WDR91: variants seen among roughly 807,000 people sequenced by gnomAD.
The protein encoded by WDR91 is WD repeat domain 91.
In WDR91, 52 loss-of-function variants were observed where a neutral mutation model predicts 88.4. The ratio of observed to expected loss-of-function variants is 0.59; its 90% CI spans 0.47 to 0.74. The LOEUF (loss-of-function observed/expected upper bound fraction) is 0.74. Ranked by LOEUF, WDR91 falls within the 30% of genes least tolerant of loss-of-function variation. WDR91 has a pLI of 0.00. For synonymous variants in WDR91, 362 were observed against 389.5 expected (o/e 0.93, Z 0.83); for missense variants, 824 against 954.5 (o/e 0.86, Z 1.80).
intron 1 of WDR91, 109 bp from the exon 2 acceptor site, chr7:135,209,864 T>G (rs1388634835): frequency 2.0e-6 from 2 of 1,007,944 alleles, no homozygotes; most frequent in East Asian, 5.7e-5. Flanking sequence ...AAAAAAAAAT[T>G]TGTAAGTTAG....
At chr7:135,197,915 G>T in intron 7 of WDR91, 78 bp downstream of exon 7, 1 of 1,523,272 alleles carries the variant, frequency 6.6e-7, no homozygotes, top group Non-Finnish European at 8.9e-7. Flanking sequence ...ACTCAGAAGA[G>T]AGAGAAGAGA....
intron 4 of WDR91, 97 bp from the exon 5 acceptor site, chr7:135,206,155 T>C: frequency 6.6e-7 from 1 of 1,509,156 alleles, no homozygotes; most frequent in Non-Finnish European, 9.2e-7. Context: ...CCCACTGGTC[T>C]GAGTGCCACT....
intron 4 of WDR91, chr7:135,206,856 T>C (rs1227062372): frequency 1.3e-5 from 3 of 232,472 alleles, no homozygotes; most frequent in African/African-American, 6.6e-5. Context: ...TGGATGCATA[T>C]AGTCTTTTTC....
Position 135,209,017 on chromosome 7 carries a change from G to T in WDR91, c.304-19C>A. ...TGTTTGTCTGCCAAGACACAAGGAG[G>T]TAGCAAGGAGGGAGGAGAGACAGAA... On this transcript the variant is annotated intron_variant, in intron 2 of 14. Transcript: ENST00000354475. The T allele has an allele frequency of 6.2e-7, 1 of 1,608,868 alleles. No homozygotes were observed. The highest frequency in any genetic ancestry group is 8.5e-7 in the Non-Finnish European group (1 of 1,176,294).
chr7:135,186,645 G>T (rs1382616645), intron 14 of WDR91, among the ~76,000 whole-genome samples: 2 of 152,226 alleles, frequency 1.3e-5, no homozygotes, highest in African/African-American at 4.8e-5. Context: ...AGGTGCTCAT[G>T]AATCTGCTTA....
chr7:135,195,295 G>A (rs750712906), intron 8 of WDR91, among the ~76,000 whole-genome samples: 5 of 152,232 alleles, frequency 3.3e-5, no homozygotes, highest in Non-Finnish European at 5.9e-5. Context: ...AACCATGTGC[G>A]GAGCTTTTGG....
chr7:135,186,236 C>T lies in WDR91; in HGVS notation c.2159G>A (p.Ser720Asn). The change falls in exon 15 of 15, where the codon AGC becomes AAC. Residue 720 changes from serine to asparagine, a missense_variant. Coordinates refer to ENST00000354475, the MANE Select transcript of WDR91 (RefSeq NM_014149.4). Reference sequence around the variant, plus strand: ...GCAGGTCCCACAGTCCATGGCAGTGCTCCAGTCCACGGTGACCACAGGGGC... The same window carrying T: ...GCAGGTCCCACAGTCCATGGCAGTGTTCCAGTCCACGGTGACCACAGGGGC... ...HRAPVVTVDW[S>N]TAMDCGTCLT... 4 of 1,611,728 alleles carry T rather than the reference C, an allele frequency of 2.5e-6. No individual in the cohort carries two copies. The highest frequency in any genetic ancestry group is 3.4e-6 in the Non-Finnish European group (4 of 1,179,082).
At chr7:135,208,739 A>G (rs1395436835) in intron 3 of WDR91, 52 bp downstream of exon 3, 1 of 1,481,108 alleles carries the variant, frequency 6.8e-7, no homozygotes, top group Non-Finnish European at 9.1e-7. Flanking sequence ...ACTGATCCTG[A>G]GGTCTGGGTG....
rs138959450 is a variant in WDR91, at chr7:135,196,216, C to A, written c.1172G>T (p.Arg391Leu). ...SSAGPEGGGV[R>L]PEQPFIVLGQ... ...CAGCACAATAAAGGGCTGCTCGGGGCGGACTCCTCCACCCTCAGGGCCTGC... is the reference window on the plus strand; with the variant it reads ...CAGCACAATAAAGGGCTGCTCGGGGAGGACTCCTCCACCCTCAGGGCCTGC... Residue 391 changes from arginine (R) to leucine (L), a missense_variant, in exon 8 of 15, where the codon CGC (arginine) becomes CTC (leucine). Physicochemically the swap from Arg to Leu is moderately radical, Grantham distance 102. Transcript: ENST00000354475. This position sits in a 1 kb window ranked among gnomAD's most constrained non-coding sequence, Gnocchi z 4.2. 1.9e-6 allele frequency: 3 copies of A among 1,611,564 alleles called. No homozygotes were observed. Among genetic ancestry groups the A allele is most frequent in the Non-Finnish European group, 2.5e-6 (3 of 1,178,690 alleles).
intron 8 of WDR91, among the ~76,000 whole-genome samples, chr7:135,195,385 C>T (rs1831324243): frequency 6.6e-6 from 1 of 152,238 alleles, no homozygotes; most frequent in African/African-American, 2.4e-5. Flanking sequence ...AGATTTAGAG[C>T]CTCCAACTCA....
At chr7:135,191,112 C>T (rs1831147099) in intron 11 of WDR91, among the ~76,000 whole-genome samples, 2 of 152,150 alleles carry the variant, frequency 1.3e-5, no homozygotes, top group Admixed American at 6.6e-5. Flanking sequence ...ACATGGAGAG[C>T]TAATGTCCCG....
intron 6 of WDR91, chr7:135,199,101 A>G (rs1476000603): frequency 6.6e-6 from 1 of 152,244 alleles, no homozygotes. Context: ...GAAGAAACTC[A>G]ACCAAAGTCT....
In WDR91 at chr7:135,186,329, G is replaced by C; in HGVS notation, c.2080-14C>G. 6.2e-7 allele frequency: 1 copy of C among 1,609,012 alleles called. No homozygotes were observed. The highest frequency in any genetic ancestry group is 8.5e-7 in the Non-Finnish European group (1 of 1,178,190). On this transcript the variant is annotated splice_polypyrimidine_tract_variant and intron_variant, in intron 14 of 14. Coordinates refer to ENST00000354475, the MANE Select transcript of WDR91 (RefSeq NM_014149.4). ...ATCGCCACCCAGCTGCAAGAGGACA[G>C]GAAAGAGGAGGAGGTGTCAGCAAAC... is the stretch of plus-strand genomic sequence containing the variant.
chr7:135,192,184 A>G (rs920428035), intron 11 of WDR91, among the ~76,000 whole-genome samples: 2 of 148,766 alleles, frequency 1.3e-5, no homozygotes, highest in African/African-American at 5.0e-5. Context: ...GTGGCACCAC[A>G]TCAGCTCACT....
intron 3 of WDR91, among the ~76,000 whole-genome samples, chr7:135,208,423 T>A (rs1441971870): frequency 6.6e-6 from 1 of 152,008 alleles, no homozygotes; most frequent in African/African-American, 2.4e-5. Flanking sequence ...CCAGCAAAGG[T>A]ATATCCCCGG....
At chr7:135,188,664 G>T in intron 12 of WDR91, 119 bp from the exon 13 acceptor site, 2 of 884,162 alleles carry the variant, frequency 2.3e-6, no homozygotes, top group Non-Finnish European at 3.6e-6. Context: ...GAAGCCAAGG[G>T]CAGGCACCCA....
chr7:135,204,291 T>A lies in WDR91; in HGVS notation c.868A>T (p.Lys290Ter). Residue 290 changes from lysine (K) to a stop codon, truncating the protein, a stop_gained, in exon 6 of 15, where the codon AAG (lysine) becomes TAG (stop). Coordinates refer to ENST00000354475, the MANE Select transcript of WDR91 (RefSeq NM_014149.4). LOFTEE classifies it high-confidence loss of function. ...ACCTGACCACCGAAGGACTCTTTCT[T>A]GGCCGAGCTCTGAGGTTGAGGAGGG... is the stretch of plus-strand genomic sequence containing the variant. ...QGPPQPQSSA[K>*]KESFGGQGTK... is the part of the protein sequence containing the mutation. The A allele has an allele frequency of 6.2e-7, 1 of 1,614,084 alleles. No individual in the cohort carries two copies. The highest frequency in any genetic ancestry group is 8.5e-7 in the Non-Finnish European group (1 of 1,179,996).
At position 135,189,423 on chromosome 7, in the gene WDR91, A is replaced by G. The variant is rs765754690; in HGVS notation, c.1689T>C (p.Ile563=). ...GATTGAAGGCTGTACAGTTGATAGC[A>G]ATGGGTTCTGGATCCAGGGAGAACT... The part of the protein sequence containing the change: ...QLQFSLDPEP[I]AINCTAFNHN... The change falls in exon 12 of 15, where the codon ATT becomes ATC. Residue 563 remains isoleucine (I), a synonymous_variant. Coordinates refer to ENST00000354475, the MANE Select transcript of WDR91 (RefSeq NM_014149.4). 23 of 1,613,854 alleles carry G rather than the reference A, an allele frequency of 1.4e-5. 1 individual carries two copies. The highest frequency in any genetic ancestry group is 1.1e-4 in the South Asian group (10 of 91,058).
chr7:135,211,302 G>C, intron 1 of WDR91, 78 bp downstream of exon 1: 2 of 1,517,818 alleles, frequency 1.3e-6, no homozygotes, highest in South Asian at 1.2e-5. Flanking sequence ...TCTCGCCCCG[G>C]AGGCAGTGCT....
Sources: gnomAD v4.1 joint callset for allele counts (sites outside exome capture counted in the v4.1 genomes callset) on GRCh38, gnomAD v4.1.1 for gene constraint, Gnocchi (gnomAD v3.1) non-coding constraint, MANE v1.5 for transcripts, NCBI Gene and HGNC (gene_info 2026-07-23, HGNC 2026-07-21) for gene names.